PDLIM5: variants seen among roughly 807,000 people sequenced by gnomAD.
The protein encoded by PDLIM5 is PDZ and LIM domain protein 5.
In PDLIM5, 34 loss-of-function variants were observed where a neutral mutation model predicts 64.2. The observed-to-expected ratio is 0.53, with a 90% confidence interval of 0.40 to 0.71. The LOEUF (loss-of-function observed/expected upper bound fraction) is 0.71, where lower values mean the gene tolerates loss of function less well. Among genes scored for constraint, PDLIM5 ranks in the 30% least tolerant of loss-of-function variants. PDLIM5 has a pLI of 0.00. For missense variants in PDLIM5, 683 were observed against 733.6 expected (o/e 0.93, Z 0.80); for synonymous variants, 253 against 269.1 (o/e 0.94, Z 0.59).
At chr4:94,603,624 C>T (rs1425858218) in intron 7 of PDLIM5, among the ~76,000 whole-genome samples, 4 of 152,176 alleles carry the variant, frequency 2.6e-5, no homozygotes, top group East Asian at 1.9e-4. Flanking sequence ...AGATCCACAC[C>T]GCCTCCCATC....
chr4:94,552,002 C>T (rs1160281671), intron 3 of PDLIM5, among the ~76,000 whole-genome samples: 1 of 152,102 alleles, frequency 6.6e-6, no homozygotes, highest in Non-Finnish European at 1.5e-5. Flanking sequence ...GTAAAGTTTA[C>T]TTAAACTAAG....
chr4:94,492,009 T>C (rs902191972), intron 2 of PDLIM5, among the ~76,000 whole-genome samples: 39 of 152,070 alleles, frequency 2.6e-4, no homozygotes, highest in African/African-American at 8.7e-4. Flanking sequence ...CCTGTCTGTC[T>C]GAAACTTTGT....
intron 2 of PDLIM5, among the ~76,000 whole-genome samples, chr4:94,508,569 G>A (rs528452493): frequency 6.6e-6 from 1 of 152,294 alleles, no homozygotes; most frequent in African/African-American, 2.4e-5. Flanking sequence ...AGGGATAGGA[G>A]AACATACTTA....
chr4:94,546,751 A>C (rs1732357953), intron 3 of PDLIM5, among the ~76,000 whole-genome samples: 1 of 152,090 alleles, frequency 6.6e-6, no homozygotes, highest in African/African-American at 2.4e-5. Flanking sequence ...GGGATATTAA[A>C]TTTTTTAACG....
intron 2 of PDLIM5, among the ~76,000 whole-genome samples, chr4:94,487,351 T>G (rs985702446): frequency 9.2e-5 from 14 of 152,190 alleles, no homozygotes; most frequent in African/African-American, 3.4e-4. Context: ...AAAGAAGTTA[T>G]GAGAAAAAAG....
At chr4:94,615,393 G>T (rs145390619) in intron 7 of PDLIM5, among the ~76,000 whole-genome samples, 2 of 152,198 alleles carry the variant, frequency 1.3e-5, no homozygotes, top group East Asian at 3.9e-4. Context: ...ACAAAATAAT[G>T]TATGTTAATT....
rs536792837 is a variant in PDLIM5 at position 94,456,201 on chromosome 4, C to A, written c.96+817C>A. ...TTTACTCAAATGGTGGCATATTATA[C>A]ACACAGTTTTTTTTGAGACAGAGTT... On this transcript the variant is annotated intron_variant, in intron 2 of 12. Transcript: ENST00000317968. 11 of 456,422 alleles carry A rather than the reference C, an allele frequency of 2.4e-5. 1 individual carries two copies. In the South Asian group the frequency reaches 3.1e-4, roughly 13 times the overall value. 28.3% of individuals were successfully genotyped at this position (456,422 alleles called of 1,614,324 possible).
At chr4:94,520,115 CAG>C (rs1560673252) in intron 2 of PDLIM5, among the ~76,000 whole-genome samples, 1 of 152,144 alleles carries the variant, frequency 6.6e-6, no homozygotes, top group Non-Finnish European at 1.5e-5. Context: ...GACCTGAACT[CAG>C]AGGCAGTTCC....
chr4:94,579,536 AAGTT>A, intron 5 of PDLIM5: 1 of 1,375,854 alleles, frequency 7.3e-7, no homozygotes, highest in Non-Finnish European at 1.0e-6. Flanking sequence ...ACAAGTGACA[AAGTT>A]AGTATCCACA....
chr4:94,587,967 A>G, intron 7 of PDLIM5: 1 of 981,978 alleles, frequency 1.0e-6, no homozygotes, highest in Non-Finnish European at 1.2e-6. Context: ...CACTGCTGCT[A>G]TTCCTAGGAA....
In PDLIM5 at chr4:94,575,656, C is replaced by T. The variant is rs1735178683; in HGVS notation, c.332C>T (p.Ser111Phe). 1 of 1,608,052 alleles carries T rather than the reference C, an allele frequency of 6.2e-7. No individual in the cohort carries two copies. The highest frequency in any genetic ancestry group is 1.3e-5 in the African/African-American group (1 of 74,890). Residue 111 changes from serine to phenylalanine, a missense_variant, in exon 5 of 13, where the codon TCT becomes TTT. Transcript: ENST00000317968. ...GTAGTTAAACCTGTGCCCATTACAT[C>T]TCCTGCTGTGTCCAAAGTCACTTCC... Reference protein sequence around the residue: ...KEVVKPVPITSPAVSKVTSTN... With the variant: ...KEVVKPVPITFPAVSKVTSTN...
chr4:94,456,041 G>C, intron 2 of PDLIM5: 2 of 1,329,276 alleles, frequency 1.5e-6, no homozygotes, highest in Non-Finnish European at 1.9e-6. Context: ...AGTAATTAAA[G>C]CTTCTATTTA....
Position 94,666,059 on chromosome 4 carries a change from A to AT in PDLIM5, c.*1995dup. 4 of 1,527,218 alleles carry AT rather than the reference A, an allele frequency of 2.6e-6. No individual in the cohort carries two copies. The highest frequency in any genetic ancestry group is 3.5e-6 in the Non-Finnish European group (4 of 1,140,444). The allele number at this position is 1,527,218 out of a possible 1,614,324, so 94.6% of individuals were successfully genotyped here. On this transcript the variant is annotated 3_prime_UTR_variant, in exon 13 of 13. Transcript: ENST00000317968. ...AAGTCCATGAACCTCCTAAGTTATAATTTAAATTTGTTTGGGGCAAGGTGA... is the reference window on the plus strand; with the variant it reads ...AAGTCCATGAACCTCCTAAGTTATAATTTTAAATTTGTTTGGGGCAAGGTGA...
At chr4:94,543,132 T>C (rs1560690763) in intron 3 of PDLIM5, among the ~76,000 whole-genome samples, 2 of 152,184 alleles carry the variant, frequency 1.3e-5, no homozygotes, top group South Asian at 2.1e-4. Context: ...GTGACTACTG[T>C]ATAAATTACC....
At chr4:94,611,225 G>T in intron 7 of PDLIM5, 1 of 1,526,642 alleles carries the variant, frequency 6.6e-7, no homozygotes, top group Non-Finnish European at 8.8e-7. Context: ...GATATGGCAA[G>T]TGGTGGTTCG....
chr4:94,522,082 T>C (rs1286511375), intron 2 of PDLIM5, among the ~76,000 whole-genome samples: 1 of 152,162 alleles, frequency 6.6e-6, no homozygotes, highest in Non-Finnish European at 1.5e-5. Flanking sequence ...GCAGGGACCT[T>C]AGAAGGCCTC....
At chr4:94,644,776 C>T in intron 9 of PDLIM5, among the ~76,000 whole-genome samples, 1 of 152,080 alleles carries the variant, frequency 6.6e-6, no homozygotes, top group Non-Finnish European at 1.5e-5. Flanking sequence ...CTCCTGACCT[C>T]ATGATCCACC....
In PDLIM5 at chr4:94,665,686, C is replaced by T. The variant is rs1053090144; in HGVS notation, c.*1619C>T. Reference sequence around the variant, plus strand: ...TCTTTGCAGAATGATCTTTTTGTTTCGTTTTGTTTCTTCTTCTGCATTTAA... The same window carrying T: ...TCTTTGCAGAATGATCTTTTTGTTTTGTTTTGTTTCTTCTTCTGCATTTAA... On this transcript the variant is annotated 3_prime_UTR_variant, in exon 13 of 13. Transcript: ENST00000317968. The T allele has an allele frequency of 8.2e-5, 89 of 1,085,768 alleles. No individual in the cohort carries two copies. In the Admixed American group the frequency reaches 9.1e-4, roughly 11 times the overall value. 67.3% of individuals were successfully genotyped at this position (1,085,768 alleles called of 1,614,324 possible).
At position 94,662,361 on chromosome 4, in the gene PDLIM5, A is replaced by C. The variant is rs1578568092; in HGVS notation, c.1586-61A>C. ...CCTGATTTTGTTGCTGCCTTCTAGG[A>C]ACGATCATTCTAAAACTTCATCATG... On this transcript the variant is annotated intron_variant, in intron 11 of 12. Coordinates refer to ENST00000317968, the MANE Select transcript of PDLIM5 (RefSeq NM_006457.5). 6.4e-6 allele frequency: 5 copies of C among 786,710 alleles called. No individual in the cohort carries two copies. In the East Asian group the frequency reaches 1.3e-4, roughly 20 times the overall value. The allele number at this position is 786,710 out of a possible 1,614,324, so 48.7% of individuals were successfully genotyped here.
Sources: allele counts gnomAD v4.1 joint callset (sites outside exome capture counted in the v4.1 genomes callset), GRCh38; gene constraint gnomAD v4.1.1; transcripts MANE v1.5; gene names NCBI Gene and HGNC (gene_info 2026-07-23, HGNC 2026-07-21).